The following CYTH1 variants were observed in gnomAD, a reference collection of about 807,000 sequenced individuals.
CYTH1 encodes cytohesin 1.
Under a neutral mutation model 61.8 loss-of-function variants are expected in CYTH1, and 18 were observed. The ratio of observed to expected loss-of-function variants is 0.29; its 90% CI spans 0.20 to 0.43. The LOEUF (loss-of-function observed/expected upper bound fraction) is 0.43. CYTH1 is among the 20% of genes least tolerant of loss of function. The pLI is 1.00. For missense variants in CYTH1, 336 were observed against 510.5 expected, an observed-to-expected ratio of 0.66 and a Z score of 3.29; for synonymous variants, 174 against 184.3, an observed-to-expected ratio of 0.94 and a Z score of 0.45.
intron 1 of CYTH1, among the ~76,000 whole-genome samples, chr17:78,759,649 C>T (rs191489627): frequency 6.6e-6 from 1 of 152,308 alleles, no homozygotes; most frequent in Admixed American, 6.5e-5. Flanking sequence ...TCTGTAAGTT[C>T]AAAACCCTCC....
chr17:78,676,461 A>G, intron 13 of CYTH1: 1 of 415,728 alleles, frequency 2.4e-6, no homozygotes, highest in South Asian at 2.9e-5. Context: ...ACATTCTTAC[A>G]GCTATATTCC....
rs60663636 is a variant in CYTH1, at chr17:78,690,393, C to CAAAAAAAAAAAAAAAAAAAA, written c.891+2004_891+2023dup. ...TGGGCAACAGAGCGAGACTCCATCT[C>CAAAAAAAAAAAAAAAAAAAA]AAAAAAAAAAAAAAAAAAAAAAAAA... On this transcript the variant is annotated intron_variant, in intron 11 of 13. Coordinates refer to ENST00000446868, the MANE Select transcript of CYTH1 (RefSeq NM_004762.6). Among the ~76,000 whole-genome samples, 11 of 28,314 alleles carry CAAAAAAAAAAAAAAAAAAAA rather than the reference C, an allele frequency of 3.9e-4. 4 individuals are homozygous for CAAAAAAAAAAAAAAAAAAAA. The highest frequency in any genetic ancestry group is 4.9e-4 in the Non-Finnish European group (8 of 16,468). 18.6% of individuals were successfully genotyped at this position (28,314 alleles called of 152,430 possible). A position where few individuals can be genotyped will look rare whatever the true frequency, so the allele number is the denominator to read the frequency against.
chr17:78,780,506 A>C (rs2093512644), intron 1 of CYTH1, among the ~76,000 whole-genome samples: 1 of 152,170 alleles, frequency 6.6e-6, no homozygotes, highest in Admixed American at 6.5e-5. Context: ...AGAGAGCTAG[A>C]CCCTGTCTCA....
intron 11 of CYTH1, among the ~76,000 whole-genome samples, chr17:78,685,302 C>T (rs1239657309): frequency 1.3e-5 from 2 of 149,660 alleles, no homozygotes; most frequent in Non-Finnish European, 3.0e-5. Flanking sequence ...TTAAAAAGTA[C>T]AAAATCTTCT....
At chr17:78,716,571 T>C (rs2093182587) in intron 1 of CYTH1, among the ~76,000 whole-genome samples, 1 of 152,232 alleles carries the variant, frequency 6.6e-6, no homozygotes, top group Non-Finnish European at 1.5e-5. Context: ...GCTCCCCTTC[T>C]GGCTCAACCA....
intron 1 of CYTH1, among the ~76,000 whole-genome samples, chr17:78,758,694 T>C (rs1320086908): frequency 1.3e-5 from 2 of 148,950 alleles, no homozygotes; most frequent in Non-Finnish European, 3.0e-5. Context: ...GCAACAAGAG[T>C]GAAACTCGAA....
intron 13 of CYTH1, chr17:78,678,125 C>G (rs898838670): frequency 9.2e-5 from 14 of 152,268 alleles, no homozygotes; most frequent in African/African-American, 2.9e-4. Context: ...GCAGAGGAGT[C>G]CAGCAAGCCC....
chr17:78,683,481 C>T (rs34402833), intron 11 of CYTH1, among the ~76,000 whole-genome samples: 5,068 of 152,276 alleles, frequency 0.033, 142 homozygotes, highest in South Asian at 0.15. Context: ...TAAATAACCT[C>T]ACGCATCTCT....
chr17:78,692,303 C>T lies in CYTH1; in HGVS notation c.891+114G>A. On this transcript the variant is annotated intron_variant, in intron 11 of 13. Transcript: ENST00000446868. ...CTTTGCTTAAACTCTCCCCCATCCC[C>T]CACAGATACTGAAGGGCAAATCCAA... The T allele has an allele frequency of 2.8e-6, 3 of 1,066,126 alleles. No individual in the cohort carries two copies. The South Asian group carries it at 3.8e-5, about 14-fold the overall frequency. The allele number at this position is 1,066,126 out of a possible 1,614,324, so 66.0% of individuals were successfully genotyped here.
chr17:78,777,023 G>A (rs2093494488), intron 1 of CYTH1, among the ~76,000 whole-genome samples: 1 of 152,126 alleles, frequency 6.6e-6, no homozygotes, highest in African/African-American at 2.4e-5. Context: ...TACTTGGGAG[G>A]CTGAGGCAGG....
intron 1 of CYTH1, among the ~76,000 whole-genome samples, chr17:78,772,521 GTGTTT>G (rs777313096): frequency 6.6e-6 from 1 of 152,012 alleles, no homozygotes; most frequent in African/African-American, 2.4e-5. Flanking sequence ...AGAAACTGAA[GTGTTT>G]TGTTTTGTTT....
At position 78,690,919 on chromosome 17, in the gene CYTH1, G is replaced by A. The variant is rs186521377; in HGVS notation, c.891+1498C>T. 1.6e-3 allele frequency among the ~76,000 whole-genome samples: 248 copies of A among 152,168 alleles called. 1 individual carries two copies. Among genetic ancestry groups the A allele is most frequent in the South Asian group, 2.1e-3 (10 of 4,820 alleles). On this transcript the variant is annotated intron_variant, in intron 11 of 13. Coordinates refer to ENST00000446868, the MANE Select transcript of CYTH1 (RefSeq NM_004762.6). ...GTATCATTTTGACCCAGAAAATAGC[G>A]AGACAAATTCAGACACGATGTTAAA...
intron 2 of CYTH1, 82 bp downstream of exon 2, chr17:78,709,568 C>T (rs921230896): frequency 1.4e-6 from 2 of 1,458,440 alleles, no homozygotes; most frequent in African/African-American, 1.4e-5. Context: ...TGAGGAGACA[C>T]TCTGCAAAGG....
At chr17:78,706,649 GA>G (rs1425782070) in intron 3 of CYTH1, among the ~76,000 whole-genome samples, 1 of 152,208 alleles carries the variant, frequency 6.6e-6, no homozygotes, top group East Asian at 1.9e-4. Context: ...ACTAGGAGTT[GA>G]ATTGCTGATG....
intron 1 of CYTH1, among the ~76,000 whole-genome samples, chr17:78,756,366 G>A (rs1248660529): frequency 6.6e-6 from 1 of 151,924 alleles, no homozygotes; most frequent in Non-Finnish European, 1.5e-5. Flanking sequence ...ATGAGCCACC[G>A]CGCCCAGCCA....
In CYTH1 at chr17:78,675,939, T is replaced by TA. The variant is rs768868723; in HGVS notation, c.*151dup. On this transcript the variant is annotated 3_prime_UTR_variant, in exon 14 of 14. Coordinates refer to ENST00000446868, the MANE Select transcript of CYTH1 (RefSeq NM_004762.6). ...GATAACTGCCCACCCTTCTCCCACT[T>TA]AAAAAAAATAGCAAAAGCTGAAGCT... 1.1e-5 allele frequency: 17 copies of TA among 1,541,930 alleles called. No homozygotes were observed. The highest frequency in any genetic ancestry group is 4.1e-5 in the African/African-American group (3 of 72,688).
At chr17:78,696,429 A>G (rs1438188976) in intron 9 of CYTH1, among the ~76,000 whole-genome samples, 1 of 152,264 alleles carries the variant, frequency 6.6e-6, no homozygotes. Context: ...AAGAATGCAC[A>G]CACATATACC....
chr17:78,709,759 A>G, intron 1 of CYTH1, 27 bp from the exon 2 acceptor site: 1 of 1,611,148 alleles, frequency 6.2e-7, no homozygotes, highest in Non-Finnish European at 8.5e-7. Flanking sequence ...CAATGTTACA[A>G]GAAAGCTTTT....
At chr17:78,693,341 G>T (rs1193489014) in intron 10 of CYTH1, among the ~76,000 whole-genome samples, 3 of 152,118 alleles carry the variant, frequency 2.0e-5, no homozygotes, top group Non-Finnish European at 2.9e-5. Flanking sequence ...CTGGGGTCAT[G>T]GCTAGGCACA....
Sources: allele counts gnomAD v4.1 joint callset (sites outside exome capture counted in the v4.1 genomes callset), GRCh38; gene constraint gnomAD v4.1.1; transcripts MANE v1.5; gene names NCBI Gene and HGNC (gene_info 2026-07-23, HGNC 2026-07-21).